The following RPH3A variants were observed in gnomAD, a reference collection of about 807,000 sequenced individuals.
The protein encoded by RPH3A is rabphilin 3A.
In RPH3A, 48 loss-of-function variants were observed where a neutral mutation model predicts 102.2. The observed-to-expected ratio is 0.47, with a 90% CI of 0.37 to 0.60. The LOEUF is 0.60. Among genes scored for constraint, RPH3A ranks in the 20% least tolerant of loss-of-function variants. The probability of loss-of-function intolerance (pLI) is 0.00; values close to 1 mark genes in which losing one functional copy is unlikely to be tolerated. For synonymous variants in RPH3A, 310 were observed against 324.3 expected (o/e 0.96, Z 0.47); for missense variants, 781 against 910.1 (o/e 0.86, Z 1.83).
At chr12:112,820,785 T>G (rs1022224426) in intron 2 of RPH3A, among the ~76,000 whole-genome samples, 9 of 152,204 alleles carry the variant, frequency 5.9e-5, no homozygotes, top group Admixed American at 5.9e-4. Flanking sequence ...AAATGGGGAC[T>G]GTCCTGTGGG....
intron 1 of RPH3A, among the ~76,000 whole-genome samples, chr12:112,648,570 C>CAAAAAAAAAAAAAAAAAAA (rs1167121829): frequency 0.012 from 127 of 11,042 alleles, 59 homozygotes; most frequent in African/African-American, 0.013. Context: ...CCCATCTCTA[C>CAAAAAAAAAAAAAAAAAAA]AAAAAAAAAA....
At chr12:112,809,246 G>A (rs1041116454) in intron 2 of RPH3A, among the ~76,000 whole-genome samples, 2 of 152,186 alleles carry the variant, frequency 1.3e-5, no homozygotes, top group African/African-American at 2.4e-5. Flanking sequence ...TGGTATGTCA[G>A]TGGGGAGTTC....
intron 1 of RPH3A, among the ~76,000 whole-genome samples, chr12:112,771,196 C>A (rs956458916): frequency 1.3e-5 from 2 of 152,170 alleles, no homozygotes; most frequent in Non-Finnish European, 2.9e-5. Context: ...GCATACTGAA[C>A]ATATATTTTG....
chr12:112,653,914 G>A (rs112950938), intron 1 of RPH3A, among the ~76,000 whole-genome samples: 2 of 150,198 alleles, frequency 1.3e-5, no homozygotes, highest in African/African-American at 4.9e-5. Flanking sequence ...ACTTTTTTTT[G>A]TTAAAAACGA....
At chr12:112,827,702 G>A (rs568234903) in intron 2 of RPH3A, among the ~76,000 whole-genome samples, 1 of 152,016 alleles carries the variant, frequency 6.6e-6, no homozygotes, top group South Asian at 2.1e-4. Context: ...AAAAGGCAGG[G>A]ACACATGGAC....
At chr12:112,811,090 G>A (rs890486631) in intron 2 of RPH3A, among the ~76,000 whole-genome samples, 1 of 152,044 alleles carries the variant, frequency 6.6e-6, no homozygotes, top group Admixed American at 6.6e-5. Context: ...GAACCACATT[G>A]CTCCTAGGAG....
At chr12:112,711,532 A>G (rs1336781934) in intron 1 of RPH3A, among the ~76,000 whole-genome samples, 1 of 152,146 alleles carries the variant, frequency 6.6e-6, no homozygotes, top group Non-Finnish European at 1.5e-5. Flanking sequence ...CTTGGCATAG[A>G]TGTTTTCTGG....
At chr12:112,619,243 A>ATT (rs1407315406) in intron 1 of RPH3A, among the ~76,000 whole-genome samples, 1 of 117,110 alleles carries the variant, frequency 8.5e-6, no homozygotes, top group Non-Finnish European at 1.8e-5. Flanking sequence ...CCTTATGGTA[A>ATT]TTCTGTGTGT....
chr12:112,646,223 G>A (rs1330055545), intron 1 of RPH3A, among the ~76,000 whole-genome samples: 1 of 152,062 alleles, frequency 6.6e-6, no homozygotes, highest in Non-Finnish European at 1.5e-5. Flanking sequence ...ATTATCATAG[G>A]TAACAGTGAC....
At chr12:112,819,405 T>C (rs538436505) in intron 2 of RPH3A, among the ~76,000 whole-genome samples, 2 of 152,176 alleles carry the variant, frequency 1.3e-5, no homozygotes, top group South Asian at 2.1e-4. Flanking sequence ...CCGTGCCTGA[T>C]TAAGAATAGG....
At chr12:112,754,226 T>G (rs1219317821) in intron 1 of RPH3A, among the ~76,000 whole-genome samples, 1 of 152,220 alleles carries the variant, frequency 6.6e-6, no homozygotes, top group Non-Finnish European at 1.5e-5. Flanking sequence ...CTAGACACAC[T>G]CTTAAACTCT....
intron 1 of RPH3A, among the ~76,000 whole-genome samples, chr12:112,725,706 A>T (rs1019451042): frequency 6.6e-6 from 1 of 152,180 alleles, no homozygotes; most frequent in Non-Finnish European, 1.5e-5. Flanking sequence ...GCTACCTGCC[A>T]TGTGATGACT....
At chr12:112,790,871 A>G (rs1287267726), upstream of RPH3A, among the ~76,000 whole-genome samples, 1 of 151,922 alleles carries the variant, frequency 6.6e-6, no homozygotes, top group Non-Finnish European at 1.5e-5. Context: ...TTCCTTTATC[A>G]CTCTGTCCAA....
At chr12:112,600,386 C>T (rs1042758655) in intron 1 of RPH3A, among the ~76,000 whole-genome samples, 4 of 152,162 alleles carry the variant, frequency 2.6e-5, no homozygotes, top group Admixed American at 6.6e-5. Flanking sequence ...TCACTGCCTG[C>T]CCTAAGTCCT....
intron 2 of RPH3A, among the ~76,000 whole-genome samples, chr12:112,814,653 C>G (rs1041457116): frequency 3.3e-5 from 5 of 152,168 alleles, no homozygotes; most frequent in African/African-American, 1.2e-4. Flanking sequence ...GGGTTTATAA[C>G]TCACTGACTC....
intron 5 of RPH3A, among the ~76,000 whole-genome samples, chr12:112,859,963 C>A (rs544441368): frequency 1.3e-5 from 2 of 152,326 alleles, no homozygotes; most frequent in African/African-American, 4.8e-5. Flanking sequence ...GGGCCGGGCA[C>A]TGGCGTTTTT....
At chr12:112,589,523 G>T (rs992813264) in intron 1 of RPH3A, among the ~76,000 whole-genome samples, 3 of 152,062 alleles carry the variant, frequency 2.0e-5, no homozygotes, top group Admixed American at 6.6e-5. Flanking sequence ...TGGGAGATTT[G>T]CCTGGCTCTC....
At chr12:112,859,063 A>G (rs2042464442) in intron 5 of RPH3A, among the ~76,000 whole-genome samples, 1 of 152,222 alleles carries the variant, frequency 6.6e-6, no homozygotes, top group Admixed American at 6.5e-5. Context: ...TTAATGTGAG[A>G]GAAAGGGATG....
intron 1 of RPH3A, among the ~76,000 whole-genome samples, chr12:112,645,262 T>C (rs946134366): frequency 2.6e-5 from 4 of 152,162 alleles, no homozygotes; most frequent in African/African-American, 9.7e-5. Context: ...AAGGGTCATG[T>C]TGTCCAACAT....
Sources: allele counts gnomAD v4.1 joint callset (sites outside exome capture counted in the v4.1 genomes callset), GRCh38; gene constraint gnomAD v4.1.1; transcripts MANE v1.5; gene names NCBI Gene and HGNC (gene_info 2026-07-23, HGNC 2026-07-21).